MAP3K14: variants seen among roughly 807,000 people sequenced by gnomAD.
MAP3K14 encodes the protein NF-kappa-beta-inducing kinase.
Under a neutral mutation model 99.2 loss-of-function variants are expected in MAP3K14, and 16 were observed. The ratio of observed to expected loss-of-function variants is 0.16; its 90% CI spans 0.11 to 0.24. The LOEUF is 0.24. Ranked by LOEUF, MAP3K14 falls within the 10% of genes least tolerant of loss-of-function variation. The probability of loss-of-function intolerance (pLI) is 1.00; values close to 1 mark genes in which losing one functional copy is unlikely to be tolerated. For missense variants in MAP3K14, 784 were observed against 1,208.7 expected (o/e 0.65, Z 5.21); for synonymous variants, 462 against 492.4 (o/e 0.94, Z 0.82).
intron 6 of MAP3K14, among the ~76,000 whole-genome samples, chr17:45,281,337 ATCTT>A (rs1429613841): frequency 2.2e-5 from 3 of 134,620 alleles, no homozygotes; most frequent in South Asian, 2.3e-4. Flanking sequence ...GCACCGCCTG[ATCTT>A]TCTTTTTTTT....
chr17:45,304,203 C>T (rs1416045043), intron 1 of MAP3K14, among the ~76,000 whole-genome samples: 1 of 151,996 alleles, frequency 6.6e-6, no homozygotes, highest in Admixed American at 6.6e-5. Flanking sequence ...GGGGTTTCAC[C>T]ATGTTGGTCA....
chr17:45,271,339 T>C (rs2044141326), intron 9 of MAP3K14, 118 bp from the exon 10 acceptor site: 4 of 845,746 alleles, frequency 4.7e-6, no homozygotes, highest in Non-Finnish European at 7.0e-6. Context: ...AAGTACTTTT[T>C]ATTTTATTAT....
chr17:45,296,452 A>G (rs2044346963), intron 1 of MAP3K14, among the ~76,000 whole-genome samples: 1 of 152,070 alleles, frequency 6.6e-6, no homozygotes, highest in South Asian at 2.1e-4. Flanking sequence ...TTGAGCCTGC[A>G]GTGAGCCATG....
chr17:45,270,625 A>G, intron 10 of MAP3K14, 62 bp from the exon 11 acceptor site: 1 of 1,483,318 alleles, frequency 6.7e-7, no homozygotes, highest in Admixed American at 2.5e-5. Flanking sequence ...CCCGGCTGTT[A>G]TTGCTCTTTG....
Position 45,271,061 on chromosome 17 carries a change from G to A in MAP3K14, c.1818C>T (p.Leu606=), listed in dbSNP as rs770568550. ...CATGCTGGGTGCCGTCACCGACCTT[G>A]AGGCAGAGCGGCCCTCGGAAGAACT... ...WTQFFRGPLC[L]KIASEPPPVR... Residue 606 remains leucine, a synonymous_variant, in exon 10 of 16, where the codon CTC becomes CTT. Coordinates refer to ENST00000344686, the MANE Select transcript of MAP3K14 (RefSeq NM_003954.5). The A allele has an allele frequency of 9.3e-6, 15 of 1,612,404 alleles. No homozygotes were observed. Among genetic ancestry groups the A allele is most frequent in the Non-Finnish European group, 4.2e-6 (5 of 1,179,682 alleles).
intron 1 of MAP3K14, among the ~76,000 whole-genome samples, chr17:45,309,269 C>T (rs898484235): frequency 6.6e-6 from 1 of 152,236 alleles, no homozygotes; most frequent in East Asian, 1.9e-4. Context: ...CCAAGGTGTT[C>T]CCACCCAGGC....
intron 1 of MAP3K14, among the ~76,000 whole-genome samples, chr17:45,308,272 AT>A (rs1408245068): frequency 6.6e-6 from 1 of 152,188 alleles, no homozygotes; most frequent in Non-Finnish European, 1.5e-5. Flanking sequence ...CAGCAGGAAT[AT>A]GAGGATGACC....
intron 1 of MAP3K14, among the ~76,000 whole-genome samples, chr17:45,315,378 C>G (rs2044522189): frequency 6.6e-6 from 1 of 152,158 alleles, no homozygotes; most frequent in South Asian, 2.1e-4. Context: ...TCACAAAGAG[C>G]TGGTACACAT....
chr17:45,306,827 AGG>A (rs2044434083), intron 1 of MAP3K14, among the ~76,000 whole-genome samples: 1 of 152,242 alleles, frequency 6.6e-6, no homozygotes, highest in African/African-American at 2.4e-5. Flanking sequence ...AAGACGCCAC[AGG>A]GGGCATCATG....
chr17:45,306,509 G>A (rs2044430867), intron 1 of MAP3K14, among the ~76,000 whole-genome samples: 1 of 152,264 alleles, frequency 6.6e-6, no homozygotes, highest in Middle Eastern at 3.4e-3. Context: ...TGGACTTGTG[G>A]TGGGCCTGTG....
At chr17:45,279,573 C>T (rs552464438) in intron 6 of MAP3K14, among the ~76,000 whole-genome samples, 2 of 152,212 alleles carry the variant, frequency 1.3e-5, no homozygotes, top group African/African-American at 2.4e-5. Flanking sequence ...GCTGGTGGCG[C>T]CATCATGCCT....
At chr17:45,273,464 A>T (rs1375094228) in intron 9 of MAP3K14, 39 bp downstream of exon 9, 1 of 1,458,040 alleles carries the variant, frequency 6.9e-7, no homozygotes, top group South Asian at 1.2e-5. Flanking sequence ...TTGGCGAATG[A>T]ATGCATTGGG....
rs1304201527 is a variant in MAP3K14, at chr17:45,270,510, G to A, written c.1875C>T (p.Leu625=). 3 of 1,601,196 alleles carry A rather than the reference G, an allele frequency of 1.9e-6. No homozygotes were observed. Among genetic ancestry groups the A allele is most frequent in the Non-Finnish European group, 2.6e-6 (3 of 1,174,836 alleles). ...GCCCCTCTTGGATGGCCTGGGCTGTGAGAGGGGCGCAGGAGGGTGGGATCT... is the reference window on the plus strand; with the variant it reads ...GCCCCTCTTGGATGGCCTGGGCTGTAAGAGGGGCGCAGGAGGGTGGGATCT... ...VREIPPSCAP[L]TAQAIQEGLR... Residue 625 remains leucine, a synonymous_variant, in exon 11 of 16, where the codon CTC becomes CTT. Coordinates refer to ENST00000344686, the MANE Select transcript of MAP3K14 (RefSeq NM_003954.5).
chr17:45,293,900 G>A (rs1381713745), intron 1 of MAP3K14, among the ~76,000 whole-genome samples: 1 of 152,080 alleles, frequency 6.6e-6, no homozygotes, highest in Non-Finnish European at 1.5e-5. Context: ...AATTCTATCT[G>A]GACTCTGGTC....
chr17:45,312,125 C>T (rs180828793), intron 1 of MAP3K14, among the ~76,000 whole-genome samples: 13 of 152,316 alleles, frequency 8.5e-5, no homozygotes, highest in East Asian at 1.9e-4. Flanking sequence ...GGGAATAAAT[C>T]GCCTGTCACC....
intron 3 of MAP3K14, 114 bp downstream of exon 3, chr17:45,289,122 C>T: frequency 1.2e-6 from 1 of 817,250 alleles, no homozygotes. Context: ...AGCTGAACCA[C>T]AGGTGCTGAG....
At position 45,275,031 on chromosome 17, in the gene MAP3K14, C is replaced by T. The variant is rs1049479807; in HGVS notation, c.1291-438G>A. 4.6e-5 allele frequency among the ~76,000 whole-genome samples: 7 copies of T among 151,494 alleles called. No homozygotes were observed. In the South Asian group the frequency reaches 6.2e-4, roughly 13 times the overall value. On this transcript the variant is annotated intron_variant, in intron 6 of 15. Transcript: ENST00000344686. The stretch of plus-strand genomic sequence containing the variant: ...GCGGGTGCCTGTAGTCCCAGCTACT[C>T]GGGAGGCTGAGGCAGGAGAATGGCG...
In MAP3K14 at chr17:45,267,034, C is replaced by T. The variant is rs774040965; in HGVS notation, c.2433+58G>A. ...TGGACGCAAAGCTACTTGCTCTGTG[C>T]CAGGGCCGGGAAAACCACACCCCTG... On this transcript the variant is annotated intron_variant, in intron 13 of 15. Transcript: ENST00000344686. This position sits in a 1 kb window ranked among gnomAD's most constrained non-coding sequence, Gnocchi z 5.1. 2.8e-5 allele frequency: 36 copies of T among 1,286,434 alleles called. No homozygotes were observed. Among genetic ancestry groups the T allele is most frequent in the Non-Finnish European group, 3.7e-5 (34 of 907,874 alleles). The allele number at this position is 1,286,434 out of a possible 1,614,324, so 79.7% of individuals were successfully genotyped here.
At chr17:45,289,894 AGGACTCCC>A (rs1161370482) in intron 2 of MAP3K14, among the ~76,000 whole-genome samples, 1 of 152,180 alleles carries the variant, frequency 6.6e-6, no homozygotes, top group Non-Finnish European at 1.5e-5. Context: ...TTGGAGAGAG[AGGACTCCC>A]GGCCCTACCC....
Sources: allele counts gnomAD v4.1 joint callset (sites outside exome capture counted in the v4.1 genomes callset), GRCh38; gene constraint gnomAD v4.1.1; non-coding constraint Gnocchi (gnomAD v3.1); transcripts MANE v1.5; gene names NCBI Gene and HGNC (gene_info 2026-07-23, HGNC 2026-07-21).